CACNA1D: variants seen among roughly 807,000 people sequenced by gnomAD.
CACNA1D encodes voltage-dependent L-type calcium channel subunit alpha-1D.
Under a neutral mutation model 257.1 loss-of-function variants are expected in CACNA1D, and 55 were observed. That is an observed-to-expected ratio of 0.21 (90% CI 0.17 to 0.27). The LOEUF (loss-of-function observed/expected upper bound fraction) is 0.27, where lower values mean the gene tolerates loss of function less well. Among genes scored for constraint, CACNA1D ranks in the 10% least tolerant of loss-of-function variants. CACNA1D has a pLI of 1.00. For synonymous variants in CACNA1D, 980 were observed against 1,014.9 expected (o/e 0.97, Z 0.65); for missense variants, 1,876 against 2,784.0 (o/e 0.67, Z 7.34).
chr3:53,522,075 G>A lies in CACNA1D; in HGVS notation c.483+20355G>A, dbSNP rs73084391. 8.4e-3 allele frequency among the ~76,000 whole-genome samples: 1,278 copies of A among 152,180 alleles called. 12 individuals carry two copies. Among genetic ancestry groups the A allele is most frequent in the Non-Finnish European group, 0.013 (868 of 67,990 alleles). On this transcript the variant is annotated intron_variant, in intron 3 of 47. Transcript: ENST00000350061. ...TGCTTCAGCCCAGGAGTTCAAAGTT[G>A]CAGTGATTTGTGATCATGCCACTGC...
intron 3 of CACNA1D, among the ~76,000 whole-genome samples, chr3:53,553,756 A>G (rs901078061): frequency 2.0e-5 from 3 of 152,012 alleles, no homozygotes; most frequent in African/African-American, 7.3e-5. Flanking sequence ...TATACAGTCA[A>G]CAGATTTGAT....
chr3:53,672,968 C>G, intron 7 of CACNA1D, 55 bp from the exon 8 acceptor site: 1 of 1,112,102 alleles, frequency 9.0e-7, no homozygotes. Context: ...GACCCTCTCT[C>G]CTTATTAAAT....
intron 23 of CACNA1D, 57 bp downstream of exon 23, chr3:53,744,884 C>T (rs978359276): frequency 1.1e-6 from 1 of 924,480 alleles, no homozygotes; most frequent in Non-Finnish European, 1.8e-6. Context: ...GCTGTAATTA[C>T]TGGCTCTTCT....
At chr3:53,596,439 C>A (rs1320464117) in intron 3 of CACNA1D, among the ~76,000 whole-genome samples, 2 of 152,156 alleles carry the variant, frequency 1.3e-5, no homozygotes, top group African/African-American at 4.8e-5. Context: ...ATGGCCCCCC[C>A]CAAAAGATTT....
rs1248156424 is a variant in CACNA1D, at chr3:53,528,238, C to A, written c.483+26518C>A. On this transcript the variant is annotated intron_variant, in intron 3 of 47. Coordinates refer to ENST00000350061, the MANE Select transcript of CACNA1D (RefSeq NM_001128840.3). ...GGGGTTAAGAGGTTAATTCCAGCCA[C>A]CTCCCTTGTGGGTATCCAGTTGCTC... 2.0e-5 allele frequency among the ~76,000 whole-genome samples: 3 copies of A among 152,162 alleles called. No homozygotes were observed. In the East Asian group the frequency reaches 5.8e-4, roughly 29 times the overall value.
At chr3:53,780,984 G>A (rs932119746) in intron 38 of CACNA1D, among the ~76,000 whole-genome samples, 2 of 152,238 alleles carry the variant, frequency 1.3e-5, no homozygotes, top group Non-Finnish European at 2.9e-5. Flanking sequence ...ACTAACAGGG[G>A]CGCCTTGTAG....
At position 53,726,829 on chromosome 3, in the gene CACNA1D, G is replaced by A. The variant is rs757274217; in HGVS notation, c.2101-50G>A. 18 of 1,613,884 alleles carry A rather than the reference G, an allele frequency of 1.1e-5. 1 individual carries two copies. The highest frequency in any genetic ancestry group is 1.3e-5 in the Non-Finnish European group (15 of 1,179,984). ...GCCACCGAGGGGCTCTAAGAGAGCG[G>A]CTGCAATTTGTGAATCCACCTGCTG... On this transcript the variant is annotated intron_variant, in intron 14 of 47. Transcript: ENST00000350061.
chr3:53,734,643 A>G (rs1277815422), intron 19 of CACNA1D, among the ~76,000 whole-genome samples: 1 of 152,168 alleles, frequency 6.6e-6, no homozygotes, highest in African/African-American at 2.4e-5. Flanking sequence ...GGTGTCAGGC[A>G]TGAGCCACCC....
At chr3:53,750,588 C>A (rs2095216448) in intron 27 of CACNA1D, among the ~76,000 whole-genome samples, 1 of 152,212 alleles carries the variant, frequency 6.6e-6, no homozygotes, top group Non-Finnish European at 1.5e-5. Flanking sequence ...CCTGTAGACT[C>A]CACCAGTGAT....
intron 3 of CACNA1D, among the ~76,000 whole-genome samples, chr3:53,536,284 C>G (rs1033830134): frequency 1.3e-5 from 2 of 152,148 alleles, no homozygotes; most frequent in African/African-American, 2.4e-5. Context: ...AGATTTTTCT[C>G]TTACCCTGGT....
At chr3:53,746,901 A>G (rs1259195461) in intron 25 of CACNA1D, among the ~76,000 whole-genome samples, 1 of 152,220 alleles carries the variant, frequency 6.6e-6, no homozygotes, top group Non-Finnish European at 1.5e-5. Flanking sequence ...TTAAAACTAA[A>G]ATGCAGGAAG....
chr3:53,695,671 A>G (rs1371262981), intron 8 of CACNA1D, among the ~76,000 whole-genome samples: 6 of 152,090 alleles, frequency 3.9e-5, no homozygotes, highest in Non-Finnish European at 8.8e-5. Flanking sequence ...GTTTTTCCAA[A>G]TAGTCGTGTA....
At chr3:53,534,267 CCT>C (rs1484163533) in intron 3 of CACNA1D, among the ~76,000 whole-genome samples, 3 of 152,234 alleles carry the variant, frequency 2.0e-5, no homozygotes, top group African/African-American at 4.8e-5. Flanking sequence ...GCCCCTCTCC[CCT>C]GTGTGGCTTT....
intron 1 of CACNA1D, among the ~76,000 whole-genome samples, chr3:53,496,507 C>A (rs998606767): frequency 6.6e-6 from 1 of 152,154 alleles, no homozygotes; most frequent in Non-Finnish European, 1.5e-5. Context: ...TTTTCGGAAG[C>A]CTGTGGAGGA....
Position 53,723,586 on chromosome 3 carries a change from C to G in CACNA1D, c.1819C>G (p.Leu607Val). ...GGITETILVE[L>V]EIMSPLGISV... ...AATCACTGAGACGATCTTGGTGGAA[C>G]TGGAAATCATGTCTCCCCTGGGGAT... The change falls in exon 13 of 48, where the codon CTG becomes GTG. Residue 607 changes from leucine (L) to valine (V), a missense_variant. By Grantham distance (32) the Leu-to-Val change is conservative (BLOSUM62 1). Transcript: ENST00000350061. The surrounding 1 kb of genome is among the most constrained non-coding windows in gnomAD (Gnocchi z 5.6). 1 of 1,614,078 alleles carries G rather than the reference C, an allele frequency of 6.2e-7. No homozygotes were observed. Among genetic ancestry groups the G allele is most frequent in the South Asian group, 1.1e-5 (1 of 91,054 alleles).
chr3:53,695,391 C>T (rs531873101), intron 8 of CACNA1D, among the ~76,000 whole-genome samples: 1 of 152,266 alleles, frequency 6.6e-6, no homozygotes, highest in African/African-American at 2.4e-5. Context: ...ATCCTTCTTC[C>T]TTCATATGGC....
At chr3:53,665,157 G>A (rs1441552422) in intron 5 of CACNA1D, among the ~76,000 whole-genome samples, 2 of 151,812 alleles carry the variant, frequency 1.3e-5, no homozygotes, top group Non-Finnish European at 2.9e-5. Flanking sequence ...AATCCCTTTG[G>A]CCTTTTCAAC....
intron 3 of CACNA1D, among the ~76,000 whole-genome samples, chr3:53,542,205 G>GT (rs200946665): frequency 0.026 from 3,844 of 147,058 alleles, 58 homozygotes; most frequent in Non-Finnish European, 0.036. Flanking sequence ...AAAAATGCAG[G>GT]TTTTTTTTTT....
At chr3:53,718,250 A>C in intron 9 of CACNA1D, 51 bp from the exon 10 acceptor site, 1 of 1,515,428 alleles carries the variant, frequency 6.6e-7, no homozygotes, top group Non-Finnish European at 9.2e-7. Flanking sequence ...CCTGCCTCCC[A>C]GGCGTGCAGT....
Sources: gnomAD v4.1 joint callset for allele counts (sites outside exome capture counted in the v4.1 genomes callset) on GRCh38, gnomAD v4.1.1 for gene constraint, Gnocchi (gnomAD v3.1) non-coding constraint, MANE v1.5 for transcripts, NCBI Gene and HGNC (gene_info 2026-07-23, HGNC 2026-07-21) for gene names.